Variants in NELL1 observed in about 807,000 individuals in gnomAD.
The protein encoded by NELL1 is neural EGFL like 1.
In NELL1, 76 loss-of-function variants were observed where a neutral mutation model predicts 107.4. The observed-to-expected ratio is 0.71, with a 90% CI of 0.59 to 0.86. The LOEUF (loss-of-function observed/expected upper bound fraction) is 0.86. NELL1 is among the 40% of genes least tolerant of loss of function. The pLI, the probability that NELL1 is intolerant of heterozygous loss-of-function variation, is 0.00. For synonymous variants in NELL1, 353 were observed against 341.2 expected, an observed-to-expected ratio of 1.03 and a Z score of -0.38; for missense variants, 1,024 against 1,005.5, an observed-to-expected ratio of 1.02 and a Z score of -0.25.
In NELL1 at chr11:21,575,237, C is replaced by T. The variant is rs377062513; in HGVS notation, c.*215C>T. 68 of 513,442 alleles carry T rather than the reference C, an allele frequency of 1.3e-4. No individual in the cohort carries two copies. Among genetic ancestry groups the T allele is most frequent in the African/African-American group, 3.3e-4 (17 of 52,272 alleles). The allele number at this position is 513,442 out of a possible 1,614,324, so 31.8% of individuals were successfully genotyped here. ...ACCTAGTCTAGGTGACCTACAGTGC[C>T]GTGCATTTAAGTCAATGGTTGTTAA... On this transcript the variant is annotated 3_prime_UTR_variant, in exon 20 of 20. Transcript: ENST00000357134.
At chr11:20,836,644 A>G (rs951269739) in intron 3 of NELL1, among the ~76,000 whole-genome samples, 6 of 151,868 alleles carry the variant, frequency 4.0e-5, no homozygotes, top group African/African-American at 1.5e-4. Context: ...GGCTGATCCT[A>G]TTTGGATGAA....
chr11:21,054,486 T>TA (rs1342445756), intron 12 of NELL1, among the ~76,000 whole-genome samples: 1 of 152,086 alleles, frequency 6.6e-6, no homozygotes, highest in Non-Finnish European at 1.5e-5. Context: ...TTCTATCATT[T>TA]TAAGGTTCTT....
intron 14 of NELL1, among the ~76,000 whole-genome samples, chr11:21,277,944 T>C (rs1848906098): frequency 6.6e-6 from 1 of 152,144 alleles, no homozygotes; most frequent in South Asian, 2.1e-4. Flanking sequence ...ATATACCTAA[T>C]GTTAAATGAC....
rs866687516 is a variant in NELL1, at chr11:21,184,103, G to C, written c.1427-45229G>C. ...AACCCCAAGTTGGCTAGCAACTGGTGTGTGAGCTTGGAGAAGTCACTTAAC... is the reference window on the plus strand; with the variant it reads ...AACCCCAAGTTGGCTAGCAACTGGTCTGTGAGCTTGGAGAAGTCACTTAAC... On this transcript the variant is annotated intron_variant, in intron 13 of 19. Coordinates refer to ENST00000357134, the MANE Select transcript of NELL1 (RefSeq NM_006157.5). Among the ~76,000 whole-genome samples the C allele has an allele frequency of 4.7e-4, 72 of 151,942 alleles. 1 individual carries two copies. Among genetic ancestry groups the C allele is most frequent in the African/African-American group, 1.6e-3 (67 of 41,238 alleles).
intron 3 of NELL1, among the ~76,000 whole-genome samples, chr11:20,805,086 C>T (rs1857354111): frequency 6.6e-6 from 1 of 152,136 alleles, no homozygotes; most frequent in African/African-American, 2.4e-5. Context: ...ATAACTATAG[C>T]TGCTCCTGTT....
intron 3 of NELL1, among the ~76,000 whole-genome samples, chr11:20,811,417 C>T (rs1171222426): frequency 1.3e-5 from 2 of 151,658 alleles, no homozygotes; most frequent in African/African-American, 4.8e-5. Flanking sequence ...ATTGTTTTGG[C>T]TATTTGAGAT....
intron 14 of NELL1, among the ~76,000 whole-genome samples, chr11:21,357,845 T>C (rs1278897058): frequency 1.3e-5 from 2 of 152,170 alleles, no homozygotes; most frequent in African/African-American, 4.8e-5. Context: ...AAGGATCCAG[T>C]TTTATTCTTC....
At chr11:21,476,196 TA>T (rs1208898427) in intron 15 of NELL1, among the ~76,000 whole-genome samples, 13 of 152,088 alleles carry the variant, frequency 8.5e-5, no homozygotes, top group Admixed American at 5.9e-4. Flanking sequence ...CTATAGAAAA[TA>T]AACTTATTAA....
At chr11:21,238,543 G>T (rs983249543) in intron 14 of NELL1, among the ~76,000 whole-genome samples, 3 of 152,068 alleles carry the variant, frequency 2.0e-5, no homozygotes, top group African/African-American at 7.2e-5. Context: ...AGAGGCACAG[G>T]TTGGGGGATG....
chr11:21,560,272 T>C lies in NELL1; in HGVS notation c.1870T>C (p.Cys624Arg). The change falls in exon 17 of 20, where the codon TGC (cysteine) becomes CGC (arginine). Residue 624 changes from cysteine (C) to arginine (R), a missense_variant. Physicochemically the swap from Cys to Arg is radical, Grantham distance 180 (BLOSUM62 -3). Coordinates refer to ENST00000357134, the MANE Select transcript of NELL1 (RefSeq NM_006157.5). ...CCTGGCAGGGGGCTTTGACTGTCTCTGCCCCTCTGGGCCCTCCTGCTCTGG... is the reference window on the plus strand; with the variant it reads ...CCTGGCAGGGGGCTTTGACTGTCTCCGCCCCTCTGGGCCCTCCTGCTCTGG... ...INLAGGFDCL[C>R]PSGPSCSGDC... 6.2e-7 allele frequency: 1 copy of C among 1,613,618 alleles called. No homozygotes were observed. The highest frequency in any genetic ancestry group is 8.5e-7 in the Non-Finnish European group (1 of 1,179,724).
At chr11:21,574,947 T>TAACA in intron 19 of NELL1, 25 bp from the exon 20 acceptor site, 1 of 1,605,716 alleles carries the variant, frequency 6.2e-7, no homozygotes. Context: ...CTCAACTGGC[T>TAACA]AACACATGTT....
rs565616516 is a variant in NELL1 at position 21,552,759 on chromosome 11, A to G, written c.1787-7430A>G. On this transcript the variant is annotated intron_variant, in intron 16 of 19. Coordinates refer to ENST00000357134, the MANE Select transcript of NELL1 (RefSeq NM_006157.5). The stretch of plus-strand genomic sequence containing the variant: ...ATAAAATCTTCCAAGAAAAGACACC[A>G]TGAGATCAAATAAAGCTTCATTAAT... Among the ~76,000 whole-genome samples, 6 of 151,842 alleles carry G rather than the reference A, an allele frequency of 4.0e-5. No homozygotes were observed. In the South Asian group the frequency reaches 1.2e-3, roughly 31 times the overall value.
chr11:20,903,405 T>C (rs539539912), intron 5 of NELL1, among the ~76,000 whole-genome samples: 5 of 152,170 alleles, frequency 3.3e-5, no homozygotes, highest in Admixed American at 2.0e-4. Flanking sequence ...TAGAAGACTT[T>C]AAAAATCAAA....
chr11:20,848,867 T>C (rs1313735575), intron 4 of NELL1, among the ~76,000 whole-genome samples: 1 of 152,196 alleles, frequency 6.6e-6, no homozygotes, highest in East Asian at 1.9e-4. Context: ...CATCTTGAGG[T>C]GAGTCTTGGT....
chr11:20,687,808 G>C (rs1715264), intron 2 of NELL1, among the ~76,000 whole-genome samples: 31,613 of 151,838 alleles, frequency 0.21, 3,595 homozygotes, highest in African/African-American at 0.27. Flanking sequence ...GGCCAGGCTG[G>C]TCTCGAACTC....
chr11:20,824,851 C>A (rs1589252), intron 3 of NELL1, among the ~76,000 whole-genome samples: 100,751 of 150,856 alleles, frequency 0.67, 35,228 homozygotes, highest in Non-Finnish European at 0.73. Flanking sequence ...ACTGACAATG[C>A]GATAGAAAAA....
chr11:20,704,148 T>C (rs2133885520), intron 2 of NELL1, among the ~76,000 whole-genome samples: 1 of 152,300 alleles, frequency 6.6e-6, no homozygotes, highest in South Asian at 2.1e-4. Flanking sequence ...TAAGTCTCTT[T>C]GTAGGTCTCT....
At chr11:21,560,411 G>C (rs771465913) in intron 17 of NELL1, 29 bp downstream of exon 17, 1 of 1,527,810 alleles carries the variant, frequency 6.5e-7, no homozygotes, top group Non-Finnish European at 8.8e-7. Context: ...AGCAGAAATT[G>C]AAACTGTTCT....
intron 15 of NELL1, among the ~76,000 whole-genome samples, chr11:21,461,764 G>T (rs1853905865): frequency 6.6e-6 from 1 of 152,130 alleles, no homozygotes; most frequent in African/African-American, 2.4e-5. Context: ...GTAAAGACAG[G>T]CAGTCTGGCT....
Sources: allele counts gnomAD v4.1 joint callset (sites outside exome capture counted in the v4.1 genomes callset), GRCh38; gene constraint gnomAD v4.1.1; transcripts MANE v1.5; gene names NCBI Gene and HGNC (gene_info 2026-07-23, HGNC 2026-07-21).